Variants in KNTC1 observed in about 807,000 individuals in gnomAD.
KNTC1 encodes the protein kinetochore-associated protein 1.
KNTC1 carries 253 observed loss-of-function variants against 314.4 expected under a neutral mutation model. That is an observed-to-expected ratio of 0.80 (90% confidence interval 0.73 to 0.89). The LOEUF (loss-of-function observed/expected upper bound fraction) is 0.89, where lower values mean the gene tolerates loss of function less well. Ranked by LOEUF, KNTC1 falls within the 40% of genes least tolerant of loss-of-function variation. The pLI, the probability that KNTC1 is intolerant of heterozygous loss-of-function variation, is 0.00. For missense variants in KNTC1, 2,475 were observed against 2,572.9 expected, an observed-to-expected ratio of 0.96 and a Z score of 0.82; for synonymous variants, 901 against 901.4, an observed-to-expected ratio of 1.00 and a Z score of 0.01.
chr12:122,588,459 A>G (rs1268252642), intron 39 of KNTC1, among the ~76,000 whole-genome samples: 1 of 152,206 alleles, frequency 6.6e-6, no homozygotes, highest in Non-Finnish European at 1.5e-5. Flanking sequence ...CAAAATTAAA[A>G]TGCACATTTT....
intron 59 of KNTC1, 107 bp downstream of exon 59, chr12:122,618,652 G>A (rs927274620): frequency 4.1e-5 from 35 of 844,654 alleles, no homozygotes; most frequent in Non-Finnish European, 6.1e-5. Flanking sequence ...AGGAAGTTAA[G>A]CATAACACGT....
intron 53 of KNTC1, 82 bp downstream of exon 53, chr12:122,610,982 G>A (rs778882957): frequency 1.4e-4 from 137 of 962,340 alleles, no homozygotes; most frequent in Non-Finnish European, 2.2e-4. Context: ...ATGCTTGATT[G>A]CATTAACAGA....
At position 122,595,843 on chromosome 12, in the gene KNTC1, T is replaced by C. The variant is rs1870960778; in HGVS notation, c.4355+1458T>C. Among the ~76,000 whole-genome samples the C allele has an allele frequency of 2.0e-5, 3 of 152,232 alleles. No homozygotes were observed. In the South Asian group the frequency reaches 6.2e-4, roughly 32 times the overall value. ...TGTCAAGTTCATTTCATAATTATTCTACTTACGTGGCATTGATGATTTGTA... is the reference window on the plus strand; with the variant it reads ...TGTCAAGTTCATTTCATAATTATTCCACTTACGTGGCATTGATGATTTGTA... On this transcript the variant is annotated intron_variant, in intron 43 of 63. Transcript: ENST00000333479.
intron 10 of KNTC1, 25 bp from the exon 11 acceptor site, chr12:122,547,390 T>G (rs1450020888): frequency 1.4e-6 from 2 of 1,433,664 alleles, no homozygotes; most frequent in Non-Finnish European, 2.0e-6. Context: ...AAAAAGGACA[T>G]GTAAATGAAA....
chr12:122,590,864 C>A, intron 41 of KNTC1, 129 bp downstream of exon 41: 1 of 864,300 alleles, frequency 1.2e-6, no homozygotes, highest in Non-Finnish European at 1.7e-6. Flanking sequence ...GTGATTTCTA[C>A]CAGCTTCTGC....
intron 63 of KNTC1, 64 bp downstream of exon 63, chr12:122,624,752 A>G (rs374277408): frequency 9.0e-7 from 1 of 1,117,062 alleles, no homozygotes; most frequent in Non-Finnish European, 1.4e-6. Context: ...GGGCCTTAAA[A>G]TTGACAAGCC....
chr12:122,581,045 G>T (rs563621974), intron 33 of KNTC1, among the ~76,000 whole-genome samples: 9 of 140,716 alleles, frequency 6.4e-5, no homozygotes, highest in South Asian at 4.6e-4. Context: ...AAAAAAAAAA[G>T]TTTTTTGCAC....
At chr12:122,568,993 A>G (rs1385624213) in intron 21 of KNTC1, among the ~76,000 whole-genome samples, 1 of 152,160 alleles carries the variant, frequency 6.6e-6, no homozygotes, top group Non-Finnish European at 1.5e-5. Context: ...ACGTGGATGC[A>G]TGGAGGGAAA....
intron 33 of KNTC1, among the ~76,000 whole-genome samples, chr12:122,581,684 G>A (rs1160624049): frequency 6.6e-6 from 1 of 151,524 alleles, no homozygotes; most frequent in Non-Finnish European, 1.5e-5. Flanking sequence ...TAATAGAGAC[G>A]GGGTTTTGCC....
chr12:122,618,664 T>TTTG (rs370451982), intron 59 of KNTC1, 119 bp downstream of exon 59: 50 of 790,162 alleles, frequency 6.3e-5, no homozygotes, highest in East Asian at 2.9e-4. Flanking sequence ...ATAACACGTG[T>TTTG]TTGTTGTTGT....
chr12:122,555,064 G>T (rs911819786), intron 16 of KNTC1, among the ~76,000 whole-genome samples: 1 of 152,036 alleles, frequency 6.6e-6, no homozygotes, highest in African/African-American at 2.4e-5. Context: ...AAACAAAATC[G>T]ACTCTGTAAC....
intron 18 of KNTC1, among the ~76,000 whole-genome samples, chr12:122,560,464 C>T (rs981099970): frequency 2.6e-5 from 4 of 152,146 alleles, no homozygotes; most frequent in African/African-American, 9.7e-5. Flanking sequence ...TGCCCACCCC[C>T]CAGGCTCAAG....
At chr12:122,591,039 G>A (rs866794840) in intron 41 of KNTC1, among the ~76,000 whole-genome samples, 1 of 151,904 alleles carries the variant, frequency 6.6e-6, no homozygotes, top group South Asian at 2.1e-4. Flanking sequence ...TGTTTTTGTA[G>A]GATAAGTTTA....
chr12:122,535,865 A>C (rs1234506596), intron 3 of KNTC1, among the ~76,000 whole-genome samples: 2 of 150,496 alleles, frequency 1.3e-5, no homozygotes, highest in African/African-American at 4.9e-5. Context: ...GATTGTACTG[A>C]GCTTAGGCAA....
intron 1 of KNTC1, among the ~76,000 whole-genome samples, 183 bp from the exon 2 acceptor site, chr12:122,529,808 A>C (rs56977093): frequency 1.3e-5 from 2 of 152,200 alleles, no homozygotes; most frequent in Non-Finnish European, 2.9e-5. Context: ...TGCATAAACC[A>C]ATATGTTGTT....
intron 16 of KNTC1, among the ~76,000 whole-genome samples, chr12:122,554,083 A>ATATC (rs1408783140): frequency 1.5e-5 from 2 of 135,402 alleles, no homozygotes; most frequent in African/African-American, 6.4e-5. Flanking sequence ...AAAAATATAT[A>ATATC]TATATATATA....
chr12:122,607,807 T>C (rs1872706991), intron 51 of KNTC1, among the ~76,000 whole-genome samples: 1 of 152,216 alleles, frequency 6.6e-6, no homozygotes, highest in Non-Finnish European at 1.5e-5. Flanking sequence ...AATATTTCAT[T>C]TTGGGTCTGC....
At chr12:122,615,135 A>T (rs1463836071) in intron 56 of KNTC1, 49 bp downstream of exon 56, 1 of 1,296,730 alleles carries the variant, frequency 7.7e-7, no homozygotes, top group Non-Finnish European at 1.1e-6. Context: ...AAGCTTTTGC[A>T]CAGCATCCCC....
chr12:122,542,428 TGTG>T (rs1565936379), intron 6 of KNTC1, among the ~76,000 whole-genome samples: 2 of 152,180 alleles, frequency 1.3e-5, no homozygotes, highest in Non-Finnish European at 1.5e-5. Flanking sequence ...TACTTTTTAA[TGTG>T]GTGGATGAAC....
Sources: gnomAD v4.1 joint callset for allele counts (sites outside exome capture counted in the v4.1 genomes callset) on GRCh38, gnomAD v4.1.1 for gene constraint, MANE v1.5 for transcripts, NCBI Gene and HGNC (gene_info 2026-07-23, HGNC 2026-07-21) for gene names.